Variants in COLGALT2 observed in about 807,000 individuals in gnomAD.
COLGALT2 encodes collagen beta(1-O)galactosyltransferase 2, also known as procollagen galactosyltransferase 2.
A neutral mutation model predicts 73.4 loss-of-function variants in COLGALT2; 49 were observed. That is an observed-to-expected ratio of 0.67 (90% CI 0.53 to 0.85). The LOEUF is 0.85. Ranked by LOEUF, COLGALT2 falls within the 40% of genes least tolerant of loss-of-function variation. COLGALT2 has a pLI of 0.00. For synonymous variants in COLGALT2, 295 were observed against 307.6 expected (o/e 0.96, Z 0.43); for missense variants, 722 against 790.2 (o/e 0.91, Z 1.03).
chr1:183,933,445 A>G (rs186565298), downstream of COLGALT2, among the ~76,000 whole-genome samples: 4 of 152,262 alleles, frequency 2.6e-5, no homozygotes, highest in South Asian at 2.1e-4. Context: ...GAGCAACAAT[A>G]TCATCCCCTT....
Position 183,963,902 on chromosome 1 carries a change from C to T in COLGALT2, c.951G>A (p.Met317Ile). Reference sequence around the variant, plus strand: ...CCCCTCTGCTCCTGGGTCACTCACTCATTGCTTCAATCTGCACATGGATGA... The same window carrying T: ...CCCCTCTGCTCCTGGGTCACTCACTTATTGCTTCAATCTGCACATGGATGA... ...ENLIHVQIEA[M>I]IDRPPMEPSQ... The change falls in exon 6 of 12, where the codon ATG becomes ATA. Residue 317 changes from methionine to isoleucine, a missense_variant and splice_region_variant. Met to Ile is a conservative substitution (Grantham distance 10, BLOSUM62 1). Transcript: ENST00000361927. 1 of 1,603,026 alleles carries T rather than the reference C, an allele frequency of 6.2e-7. No homozygotes were observed.
rs1379607854 is a variant in COLGALT2 at position 183,937,181 on chromosome 1, T to TTAAG, written c.*1576_*1579dup. On this transcript the variant is annotated 3_prime_UTR_variant, in exon 12 of 12. Transcript: ENST00000361927. Reference sequence around the variant, plus strand: ...GCTCTGAAGGGCCCTCCCCATGAGTTTAAGTGTGAAGCTCAGGGTTTGGGG... The same window carrying TTAAG: ...GCTCTGAAGGGCCCTCCCCATGAGTTTAAGTAAGTGTGAAGCTCAGGGTTTGGGG... The TTAAG allele has an allele frequency of 8.2e-7, 1 of 1,225,908 alleles. No individual in the cohort carries two copies. The allele number at this position is 1,225,908 out of a possible 1,614,324, so 75.9% of individuals were successfully genotyped here.
chr1:183,935,794 C>A (rs1669935723), downstream of COLGALT2: 1 of 938,182 alleles, frequency 1.1e-6, no homozygotes, highest in Non-Finnish European at 1.3e-6. Context: ...GCAGCGTTGG[C>A]CATTGATCAG....
intron 1 of COLGALT2, among the ~76,000 whole-genome samples, chr1:183,979,645 A>C (rs1671295875): frequency 6.6e-6 from 1 of 152,140 alleles, no homozygotes; most frequent in Non-Finnish European, 1.5e-5. Context: ...AACTTTATTT[A>C]CAAAAACAGG....
intron 1 of COLGALT2, among the ~76,000 whole-genome samples, chr1:184,017,863 G>A (rs1047640269): frequency 3.9e-5 from 6 of 152,134 alleles, no homozygotes; most frequent in Admixed American, 2.6e-4. Context: ...TTTCCCCTTA[G>A]TGAGATGAGG....
At position 183,948,410 on chromosome 1, in the gene COLGALT2, C is replaced by A. The variant is rs74133052; in HGVS notation, c.1136+2597G>T. Among the ~76,000 whole-genome samples the A allele has an allele frequency of 7.6e-3, 1,158 of 152,276 alleles. 18 individuals are homozygous for A. The highest frequency in any genetic ancestry group is 0.026 in the African/African-American group (1,089 of 41,564). Reference sequence around the variant, plus strand: ...GGGTCCCAGGATTATCCCAGGGTTGCAAGTTTGGTTTAACATGTGAAAACC... The same window carrying A: ...GGGTCCCAGGATTATCCCAGGGTTGAAAGTTTGGTTTAACATGTGAAAACC... On this transcript the variant is annotated intron_variant, in intron 8 of 11. Coordinates refer to ENST00000361927, the MANE Select transcript of COLGALT2 (RefSeq NM_015101.4).
At chr1:183,932,976 G>A (rs924239599), downstream of COLGALT2, among the ~76,000 whole-genome samples, 1 of 152,212 alleles carries the variant, frequency 6.6e-6, no homozygotes, top group Non-Finnish European at 1.5e-5. Context: ...CAGAGGCCCT[G>A]TCCAGGGACA....
intron 1 of COLGALT2, among the ~76,000 whole-genome samples, chr1:183,991,789 A>T (rs1671634239): frequency 6.6e-6 from 1 of 152,136 alleles, no homozygotes; most frequent in South Asian, 2.1e-4. Context: ...GTCCCAAGTC[A>T]TATTTTTGAG....
chr1:184,023,663 G>T (rs948208201), intron 1 of COLGALT2, among the ~76,000 whole-genome samples: 4 of 151,386 alleles, frequency 2.6e-5, no homozygotes, highest in Admixed American at 6.6e-5. Context: ...GGGCGGTGCC[G>T]GAAGCATTCT....
At chr1:183,945,220 C>T (rs577841765) in intron 9 of COLGALT2, among the ~76,000 whole-genome samples, 1 of 152,042 alleles carries the variant, frequency 6.6e-6, no homozygotes, top group Non-Finnish European at 1.5e-5. Context: ...GGGTGTCTCC[C>T]CCGTCACCAC....
intron 9 of COLGALT2, among the ~76,000 whole-genome samples, chr1:183,945,090 A>G (rs1237361625): frequency 6.6e-6 from 1 of 152,216 alleles, no homozygotes; most frequent in Non-Finnish European, 1.5e-5. Context: ...CCCACCTCAC[A>G]TGACTTCTGT....
intron 4 of COLGALT2, among the ~76,000 whole-genome samples, chr1:183,970,291 C>T (rs78082023): frequency 0.014 from 2,110 of 152,214 alleles, 13 homozygotes; most frequent in Non-Finnish European, 0.023. Flanking sequence ...AACATGCTTA[C>T]AAAACATACT....
intron 1 of COLGALT2, among the ~76,000 whole-genome samples, chr1:184,026,429 A>C (rs1444250678): frequency 6.6e-6 from 1 of 152,200 alleles, no homozygotes; most frequent in Non-Finnish European, 1.5e-5. Context: ...TATAAGACTT[A>C]ACAACTGAGT....
chr1:184,021,873 G>A (rs1649192270), intron 1 of COLGALT2, among the ~76,000 whole-genome samples: 1 of 152,158 alleles, frequency 6.6e-6, no homozygotes, highest in Admixed American at 6.6e-5. Flanking sequence ...ACAAGTATTT[G>A]GAAGCAAGTC....
chr1:183,956,555 C>T (rs948682751), intron 6 of COLGALT2, among the ~76,000 whole-genome samples: 34 of 152,190 alleles, frequency 2.2e-4, no homozygotes, highest in Non-Finnish European at 2.2e-4. Flanking sequence ...GGAGCTGTCT[C>T]ACTCTCCCTC....
Position 184,037,448 on chromosome 1 carries a change from G to A in COLGALT2, c.-91C>T, listed in dbSNP as rs1649730589. On this transcript the variant is annotated 5_prime_UTR_variant, in exon 1 of 12. Transcript: ENST00000361927. Reference sequence around the variant, plus strand: ...GGCGGCGGCTGCCGGGGAGCAAGGGGCTGCGAGGGGCGGCCGGGGGATGCG... The same window carrying A: ...GGCGGCGGCTGCCGGGGAGCAAGGGACTGCGAGGGGCGGCCGGGGGATGCG... 2.5e-6 allele frequency: 3 copies of A among 1,222,500 alleles called. No homozygotes were observed. Among genetic ancestry groups the A allele is most frequent in the East Asian group, 6.7e-5 (2 of 29,654 alleles). 75.7% of individuals were successfully genotyped at this position (1,222,500 alleles called of 1,614,324 possible).
chr1:183,982,310 G>T (rs1671375140), intron 1 of COLGALT2, among the ~76,000 whole-genome samples: 1 of 152,120 alleles, frequency 6.6e-6, no homozygotes, highest in South Asian at 2.1e-4. Context: ...GTGGAAGAAG[G>T]CCACAGGCTC....
At chr1:183,941,717 GAAC>G (rs1303120573) in intron 10 of COLGALT2, among the ~76,000 whole-genome samples, 1 of 152,154 alleles carries the variant, frequency 6.6e-6, no homozygotes, top group African/African-American at 2.4e-5. Flanking sequence ...GTTCTTCTGA[GAAC>G]AACAAACATA....
intron 1 of COLGALT2, among the ~76,000 whole-genome samples, chr1:184,005,611 A>G (rs890154085): frequency 6.6e-6 from 1 of 152,086 alleles, no homozygotes; most frequent in South Asian, 2.1e-4. Context: ...TTCTCCTGCA[A>G]GCTTTCTCAG....
Sources: gnomAD v4.1 joint callset for allele counts (sites outside exome capture counted in the v4.1 genomes callset) on GRCh38, gnomAD v4.1.1 for gene constraint, MANE v1.5 for transcripts, NCBI Gene and HGNC (gene_info 2026-07-23, HGNC 2026-07-21) for gene names.